Variants in PLXNA2 observed in about 807,000 individuals in gnomAD.
PLXNA2 encodes plexin A2.
In PLXNA2, 91 loss-of-function variants were observed where a neutral mutation model predicts 193.5. That is an observed-to-expected ratio of 0.47 (90% CI 0.40 to 0.56). PLXNA2 has a LOEUF of 0.56. Ranked by LOEUF, PLXNA2 falls within the 20% of genes least tolerant of loss-of-function variation. The pLI is 0.00. For missense variants in PLXNA2, 1,995 were observed against 2,503.2 expected, an observed-to-expected ratio of 0.80 and a Z score of 4.33; for synonymous variants, 997 against 1,027.3, an observed-to-expected ratio of 0.97 and a Z score of 0.56.
chr1:208,118,439 A>C (rs1667705253), intron 4 of PLXNA2, among the ~76,000 whole-genome samples: 1 of 152,208 alleles, frequency 6.6e-6, no homozygotes, highest in South Asian at 2.1e-4. Context: ...AAATGTGACA[A>C]CTGAAGCTGG....
intron 6 of PLXNA2, among the ~76,000 whole-genome samples, chr1:208,097,283 G>C (rs1315164251): frequency 1.3e-5 from 2 of 152,210 alleles, no homozygotes; most frequent in African/African-American, 2.4e-5. Context: ...CTTAGCCATG[G>C]CTCATGGGAG....
chr1:208,101,801 T>G (rs1237586951), intron 5 of PLXNA2, among the ~76,000 whole-genome samples: 2 of 152,058 alleles, frequency 1.3e-5, no homozygotes, highest in African/African-American at 2.4e-5. Context: ...GGCGGAGGCA[T>G]GGGGAGTAGG....
In PLXNA2 at chr1:208,217,841, G is replaced by C; in HGVS notation, c.82C>G (p.Leu28Val). The change falls in exon 2 of 32, where the codon CTG (leucine) becomes GTG (valine). Residue 28 changes from leucine (L) to valine (V), a missense_variant. By Grantham distance (32) the Leu-to-Val change is conservative. This residue lies in a region of PLXNA2 where 702 missense variants were observed against 812.9 expected (regional missense o/e 0.86). Coordinates refer to ENST00000367033, the MANE Select transcript of PLXNA2 (RefSeq NM_025179.4). The surrounding 1 kb of genome is among the most constrained non-coding windows in gnomAD (Gnocchi z 4.7). ...VVLLSVVWVL[L>V]APPAAGMPQF... Reference sequence around the variant, plus strand: ...GGCATGCCGGCTGCTGGGGGGGCCAGCAGCACCCAGACCACTGAGAGCAGG... The same window carrying C: ...GGCATGCCGGCTGCTGGGGGGGCCACCAGCACCCAGACCACTGAGAGCAGG... 6.2e-7 allele frequency: 1 copy of C among 1,614,008 alleles called. No individual in the cohort carries two copies. The highest frequency in any genetic ancestry group is 8.5e-7 in the Non-Finnish European group (1 of 1,180,022).
chr1:208,041,846 A>G (rs1654859452), intron 22 of PLXNA2, among the ~76,000 whole-genome samples: 1 of 151,784 alleles, frequency 6.6e-6, no homozygotes, highest in Admixed American at 6.6e-5. Flanking sequence ...CAGAGCTGGG[A>G]CTCCAGCTGA....
rs189019293 is a variant in PLXNA2 at position 208,056,116 on chromosome 1, C to G, written c.2739-1578G>C. Among the ~76,000 whole-genome samples, 8 of 152,316 alleles carry G rather than the reference C, an allele frequency of 5.3e-5. No homozygotes were observed. In the East Asian group the frequency reaches 1.5e-3, roughly 29 times the overall value. On this transcript the variant is annotated intron_variant, in intron 13 of 31. Coordinates refer to ENST00000367033, the MANE Select transcript of PLXNA2 (RefSeq NM_025179.4). ...GTGGTTATCTTCATGCTGCTACCTG[C>G]GTGTGGTTAACGACTCTCTCATCCT...
At chr1:208,039,563 G>A in intron 24 of PLXNA2, 58 bp downstream of exon 24, 1 of 1,606,472 alleles carries the variant, frequency 6.2e-7, no homozygotes, top group Non-Finnish European at 8.5e-7. Context: ...ACAGAAGGCA[G>A]AGCAAGGGGC....
In PLXNA2 at chr1:208,079,895, C is replaced by T. The variant is rs1023340438; in HGVS notation, c.2396-445G>A. 5.3e-5 allele frequency among the ~76,000 whole-genome samples: 8 copies of T among 152,218 alleles called. No homozygotes were observed. In the East Asian group the frequency reaches 5.8e-4, roughly 11 times the overall value. On this transcript the variant is annotated intron_variant, in intron 11 of 31. Transcript: ENST00000367033. ...ATGTTTATTATGTTTTCTTTGAACT[C>T]GTGCTATATTCTTATGCTGCCATCT...
chr1:208,065,840 T>C (rs1665778812), intron 12 of PLXNA2, among the ~76,000 whole-genome samples: 1 of 152,196 alleles, frequency 6.6e-6, no homozygotes, highest in African/African-American at 2.4e-5. Flanking sequence ...AAAATAAGTT[T>C]GGAAGAACAC....
chr1:208,097,758 G>T (rs1666945620), intron 6 of PLXNA2, among the ~76,000 whole-genome samples: 1 of 151,812 alleles, frequency 6.6e-6, no homozygotes, highest in Non-Finnish European at 1.5e-5. Context: ...GGTAAGAAAG[G>T]CGACTGGTTT....
At position 208,141,791 on chromosome 1, in the gene PLXNA2, C is replaced by T. The variant is rs1410267246; in HGVS notation, c.1506+538G>A. ...GTGGAAGACTTGCTCAGCTGTTTCC[C>T]TACAGAGGGTAGAAGTCTATTTCTC... On this transcript the variant is annotated intron_variant, in intron 4 of 31. Coordinates refer to ENST00000367033, the MANE Select transcript of PLXNA2 (RefSeq NM_025179.4). 3.9e-5 allele frequency among the ~76,000 whole-genome samples: 6 copies of T among 152,224 alleles called. 1 individual carries two copies. The highest frequency in any genetic ancestry group is 3.9e-4 in the Admixed American group (6 of 15,286).
At chr1:208,029,183 A>G in intron 29 of PLXNA2, 141 bp from the exon 30 acceptor site, 5 of 1,457,926 alleles carry the variant, frequency 3.4e-6, no homozygotes, top group Non-Finnish European at 4.5e-6. Flanking sequence ...GGGTCCAGCC[A>G]GGGTTAATTT....
At chr1:208,039,958 T>C (rs768347308) in intron 23 of PLXNA2, 34 bp downstream of exon 23, 35 of 1,609,344 alleles carry the variant, frequency 2.2e-5, no homozygotes, top group Admixed American at 3.3e-5. Flanking sequence ...CATCCTGCCC[T>C]GGACGCTAGG....
chr1:208,086,630 G>A (rs572502008), intron 9 of PLXNA2, among the ~76,000 whole-genome samples: 3 of 151,892 alleles, frequency 2.0e-5, no homozygotes, highest in African/African-American at 4.8e-5. Context: ...AGGCAGGCAC[G>A]GCATCCACGA....
At chr1:208,183,791 C>T (rs970786406) in intron 3 of PLXNA2, among the ~76,000 whole-genome samples, 2 of 152,162 alleles carry the variant, frequency 1.3e-5, no homozygotes, top group African/African-American at 4.8e-5. Flanking sequence ...AAAACTGCCC[C>T]CTTTTCAACT....
intron 3 of PLXNA2, among the ~76,000 whole-genome samples, chr1:208,152,668 TACACACACACACACGCACACAC>T (rs943538933): frequency 7.3e-6 from 1 of 137,542 alleles, no homozygotes; most frequent in Non-Finnish European, 1.6e-5. Context: ...TGCATACACA[TACACACACACACACGCACACAC>T]ACACACACAC....
At chr1:208,083,826 C>T (rs1021397892) in intron 10 of PLXNA2, among the ~76,000 whole-genome samples, 2 of 151,030 alleles carry the variant, frequency 1.3e-5, no homozygotes, top group African/African-American at 4.8e-5. Context: ...CCTCCCCTCC[C>T]ACCTCCCCTC....
At chr1:208,071,076 G>C (rs1665961703) in intron 12 of PLXNA2, among the ~76,000 whole-genome samples, 1 of 152,184 alleles carries the variant, frequency 6.6e-6, no homozygotes, top group African/African-American at 2.4e-5. Flanking sequence ...CCCTCTATGG[G>C]CCTGCACAGC....
intron 23 of PLXNA2, 112 bp from the exon 24 acceptor site, chr1:208,039,879 G>T: frequency 6.3e-7 from 1 of 1,583,206 alleles, no homozygotes; most frequent in Non-Finnish European, 8.7e-7. Flanking sequence ...AGCACAGCCA[G>T]TCCAGGTTCC....
chr1:208,139,593 C>T (rs1476388063), intron 4 of PLXNA2, among the ~76,000 whole-genome samples: 1 of 152,212 alleles, frequency 6.6e-6, no homozygotes, highest in Non-Finnish European at 1.5e-5. Context: ...AAGTCCAAAT[C>T]ATACCCATGG....
Sources: allele counts gnomAD v4.1 joint callset (sites outside exome capture counted in the v4.1 genomes callset), GRCh38; gene constraint gnomAD v4.1.1; regional missense constraint gnomAD v4.1.1; non-coding constraint Gnocchi (gnomAD v3.1); transcripts MANE v1.5; gene names NCBI Gene and HGNC (gene_info 2026-07-23, HGNC 2026-07-21).